CHN2: variants seen among roughly 807,000 people sequenced by gnomAD.
The protein encoded by CHN2 is beta-chimaerin.
A neutral mutation model predicts 56.3 loss-of-function variants in CHN2; 35 were observed. That is an observed-to-expected ratio of 0.62 (90% CI 0.47 to 0.82). CHN2 has a LOEUF of 0.82. Among genes scored for constraint, CHN2 ranks in the 40% least tolerant of loss-of-function variants. The pLI is 0.00. For missense variants in CHN2, 491 were observed against 580.5 expected (o/e 0.85, Z 1.58); for synonymous variants, 210 against 212.8 (o/e 0.99, Z 0.12).
intron 2 of CHN2, among the ~76,000 whole-genome samples, chr7:29,171,640 A>G (rs1471467891): frequency 2.6e-5 from 4 of 152,162 alleles, no homozygotes; most frequent in Non-Finnish European, 5.9e-5. Flanking sequence ...TCCACAAACT[A>G]AATACTTGTC....
intron 7 of CHN2, among the ~76,000 whole-genome samples, chr7:29,492,869 A>G (rs1273295983): frequency 6.6e-6 from 1 of 152,194 alleles, no homozygotes; most frequent in Non-Finnish European, 1.5e-5. Context: ...CATTCAACAT[A>G]ATTGACCATT....
At chr7:29,453,332 A>G (rs1784533384) in intron 6 of CHN2, among the ~76,000 whole-genome samples, 2 of 152,188 alleles carry the variant, frequency 1.3e-5, no homozygotes. Context: ...TTGTAGGGCA[A>G]GTGGGAGAGC....
chr7:29,513,205 C>G lies in CHN2; in HGVS notation c.*470C>G, dbSNP rs1791694498. On this transcript the variant is annotated 3_prime_UTR_variant, in exon 13 of 13. Coordinates refer to ENST00000222792, the MANE Select transcript of CHN2 (RefSeq NM_004067.4). ...ATGTTGTTATTTTTAGCAAATAGAA[C>G]TCAATGCAGTGCATTGGTTATTACC... is the stretch of plus-strand genomic sequence containing the variant. The G allele has an allele frequency of 6.4e-6, 1 of 156,442 alleles. No homozygotes were observed. Among genetic ancestry groups the G allele is most frequent in the Non-Finnish European group, 1.4e-5 (1 of 70,276 alleles). The allele number at this position is 156,442 out of a possible 1,614,324, so 9.7% of individuals were successfully genotyped here.
intron 2 of CHN2, among the ~76,000 whole-genome samples, chr7:29,360,304 C>T (rs942992992): frequency 6.6e-6 from 1 of 152,140 alleles, no homozygotes; most frequent in African/African-American, 2.4e-5. Context: ...GGCAGATCAC[C>T]TGCGGTTGGG....
At chr7:29,498,802 A>G (rs890966796) in intron 8 of CHN2, among the ~76,000 whole-genome samples, 3 of 127,366 alleles carry the variant, frequency 2.4e-5, no homozygotes, top group Non-Finnish European at 4.7e-5. Flanking sequence ...TCCCTCTGTC[A>G]CCAGGCTGGA....
At chr7:29,498,099 C>CT (rs1188882550) in intron 8 of CHN2, among the ~76,000 whole-genome samples, 1 of 152,166 alleles carries the variant, frequency 6.6e-6, no homozygotes, top group Non-Finnish European at 1.5e-5. Flanking sequence ...GTAAGACATA[C>CT]TAAGAATTCC....
At chr7:29,355,406 A>C (rs1585143573) in intron 2 of CHN2, among the ~76,000 whole-genome samples, 1 of 152,306 alleles carries the variant, frequency 6.6e-6, no homozygotes, top group Middle Eastern at 3.4e-3. Flanking sequence ...GATAGCGAAG[A>C]ACCTGTTTGG....
At chr7:29,364,915 T>C (rs1006519111) in intron 2 of CHN2, among the ~76,000 whole-genome samples, 5 of 152,226 alleles carry the variant, frequency 3.3e-5, no homozygotes, top group African/African-American at 1.2e-4. Flanking sequence ...TTTATACAGA[T>C]GTAAACAAAA....
At chr7:29,168,905 A>T (rs1796257331) in intron 2 of CHN2, among the ~76,000 whole-genome samples, 1 of 152,178 alleles carries the variant, frequency 6.6e-6, no homozygotes, top group Non-Finnish European at 1.5e-5. Flanking sequence ...AAGAGGTATG[A>T]ACTATTTCTA....
chr7:29,303,497 G>A (rs1325484614), intron 1 of CHN2, among the ~76,000 whole-genome samples: 1 of 152,228 alleles, frequency 6.6e-6, no homozygotes, highest in East Asian at 1.9e-4. Context: ...TTATTTCCCA[G>A]TTCCACCTGG....
chr7:29,299,630 GTAT>G (rs3841177), intron 1 of CHN2, among the ~76,000 whole-genome samples: 49,233 of 151,700 alleles, frequency 0.32, 8,181 homozygotes, highest in African/African-American at 0.36. Flanking sequence ...TGGATGTAAT[GTAT>G]TATTATTATT....
At chr7:29,420,913 G>A (rs745883735) in intron 6 of CHN2, among the ~76,000 whole-genome samples, 12 of 151,786 alleles carry the variant, frequency 7.9e-5, no homozygotes, top group Admixed American at 3.3e-4. Context: ...AGGTTCAAGC[G>A]ATTCTTCTGC....
intron 1 of CHN2, among the ~76,000 whole-genome samples, chr7:29,331,762 C>G (rs975069040): frequency 6.6e-6 from 1 of 152,014 alleles, no homozygotes; most frequent in Non-Finnish European, 1.5e-5. Flanking sequence ...CAATGTTCCC[C>G]TAAGAAATAC....
intron 2 of CHN2, among the ~76,000 whole-genome samples, chr7:29,183,170 C>T (rs537239297): frequency 3.3e-5 from 5 of 151,336 alleles, no homozygotes; most frequent in East Asian, 3.9e-4. Flanking sequence ...TTGTAACCTC[C>T]GCCTCCCAGG....
chr7:29,157,504 A>G (rs1794567715), intron 2 of CHN2, among the ~76,000 whole-genome samples: 1 of 152,294 alleles, frequency 6.6e-6, no homozygotes, highest in African/African-American at 2.4e-5. Flanking sequence ...TCTTTCATGG[A>G]CCCTTCATTC....
intron 1 of CHN2, among the ~76,000 whole-genome samples, chr7:29,207,279 C>A (rs544288011): frequency 1.4e-4 from 21 of 152,344 alleles, no homozygotes; most frequent in Non-Finnish European, 2.6e-4. Context: ...AATCCCTACT[C>A]ACTGATAACT....
At chr7:29,440,460 G>A (rs62457779) in intron 6 of CHN2, among the ~76,000 whole-genome samples, 19,256 of 151,982 alleles carry the variant, frequency 0.13, 1,453 homozygotes, top group Non-Finnish European at 0.17. Flanking sequence ...GGAGGCCGAG[G>A]CGGGTGGATC....
intron 1 of CHN2, among the ~76,000 whole-genome samples, chr7:29,283,079 C>T (rs1317989913): frequency 6.6e-6 from 1 of 152,190 alleles, no homozygotes; most frequent in African/African-American, 2.4e-5. Context: ...ATCTGACCCC[C>T]TCGTGCTGCT....
chr7:29,392,569 C>T (rs903952270), intron 3 of CHN2, among the ~76,000 whole-genome samples: 1 of 152,126 alleles, frequency 6.6e-6, no homozygotes, highest in African/African-American at 2.4e-5. Context: ...TTTGTACCAG[C>T]GAGGCTTGTC....
Sources: gnomAD v4.1 joint callset for allele counts (sites outside exome capture counted in the v4.1 genomes callset) on GRCh38, gnomAD v4.1.1 for gene constraint, MANE v1.5 for transcripts, NCBI Gene and HGNC (gene_info 2026-07-23, HGNC 2026-07-21) for gene names.